The following GLIS3 variants were observed in gnomAD, a reference collection of about 807,000 sequenced individuals.
GLIS3 encodes the protein GLIS family zinc finger 3, also known as zinc finger protein GLIS3.
Under a neutral mutation model 78.6 loss-of-function variants are expected in GLIS3, and 53 were observed. That is an observed-to-expected ratio of 0.67 (90% confidence interval 0.54 to 0.85). The LOEUF is 0.85. GLIS3 is among the 40% of genes least tolerant of loss of function. The pLI is 0.00. For synonymous variants in GLIS3, 684 were observed against 509.9 expected (o/e 1.34, Z -4.60); for missense variants, 1,703 against 1,231.1 (o/e 1.38, Z -5.74).
At chr9:4,170,257 G>A (rs1381953422) in intron 2 of GLIS3, among the ~76,000 whole-genome samples, 2 of 152,172 alleles carry the variant, frequency 1.3e-5, no homozygotes, top group East Asian at 3.8e-4. Flanking sequence ...AATAAAATTA[G>A]AGAAAAATTT....
chr9:4,017,439 C>T (rs1246777617), intron 4 of GLIS3, among the ~76,000 whole-genome samples: 1 of 150,540 alleles, frequency 6.6e-6, no homozygotes, highest in Non-Finnish European at 1.5e-5. Context: ...AGCTTGCGTG[C>T]ACACACACAC....
the GLIS3 span, among the ~76,000 whole-genome samples, chr9:4,419,002 T>A: frequency 6.6e-6 from 1 of 152,198 alleles, no homozygotes; most frequent in Non-Finnish European, 1.5e-5. Context: ...CTGAATCTTT[T>A]GGAAATATGA....
At chr9:4,061,377 C>G (rs1474309001) in intron 4 of GLIS3, among the ~76,000 whole-genome samples, 1 of 152,012 alleles carries the variant, frequency 6.6e-6, no homozygotes, top group African/African-American at 2.4e-5. Flanking sequence ...CATCCATGTT[C>G]CTACAAAACA....
intron 4 of GLIS3, among the ~76,000 whole-genome samples, chr9:4,114,717 T>C (rs1432007025): frequency 6.6e-6 from 1 of 152,082 alleles, no homozygotes; most frequent in East Asian, 1.9e-4. Flanking sequence ...AGGCCTTTAC[T>C]TCTCAAGCCC....
chr9:4,389,723 A>G, the GLIS3 span, among the ~76,000 whole-genome samples: 1 of 152,222 alleles, frequency 6.6e-6, no homozygotes, highest in African/African-American at 2.4e-5. Context: ...AGACACACAG[A>G]CGGCACCGCA....
chr9:4,059,455 G>GT (rs1826438830), intron 4 of GLIS3, among the ~76,000 whole-genome samples: 1 of 152,180 alleles, frequency 6.6e-6, no homozygotes. Context: ...CTCCTGCCCT[G>GT]TTCTCAGCCT....
At chr9:4,018,750 G>T (rs569392659) in intron 4 of GLIS3, among the ~76,000 whole-genome samples, 86 of 152,284 alleles carry the variant, frequency 5.6e-4, no homozygotes, top group African/African-American at 2.0e-3. Context: ...CTTGGAAAAA[G>T]AAAGTTTCCC....
chr9:4,468,971 G>A, the GLIS3 span, among the ~76,000 whole-genome samples: 5 of 152,010 alleles, frequency 3.3e-5, no homozygotes, highest in African/African-American at 1.2e-4. Context: ...AGCAAAAAAC[G>A]CAGGATTTGC....
At chr9:4,368,534 C>T in the GLIS3 span, among the ~76,000 whole-genome samples, 2 of 152,056 alleles carry the variant, frequency 1.3e-5, no homozygotes, top group Admixed American at 1.3e-4. Flanking sequence ...TATATTTTTA[C>T]TAGAGACGGG....
chr9:4,277,581 CCAA>C (rs1429041997), intron 2 of GLIS3, among the ~76,000 whole-genome samples: 1 of 151,918 alleles, frequency 6.6e-6, no homozygotes, highest in African/African-American at 2.4e-5. Flanking sequence ...TTTTGTCTGA[CCAA>C]CAATAATGAA....
At chr9:4,024,234 TTAAA>T (rs1300485797) in intron 4 of GLIS3, among the ~76,000 whole-genome samples, 1 of 152,162 alleles carries the variant, frequency 6.6e-6, no homozygotes, top group African/African-American at 2.4e-5. Context: ...GTACAGTGAA[TTAAA>T]TAAACCTTCT....
chr9:4,327,413 G>A (rs1167845184), intron 2 of GLIS3, among the ~76,000 whole-genome samples: 1 of 152,168 alleles, frequency 6.6e-6, no homozygotes, highest in Non-Finnish European at 1.5e-5. Context: ...AGAGAAATGT[G>A]GGAGATCAGT....
chr9:4,138,494 G>C (rs1833572062), intron 2 of GLIS3, among the ~76,000 whole-genome samples: 1 of 152,200 alleles, frequency 6.6e-6, no homozygotes, highest in Admixed American at 6.5e-5. Flanking sequence ...TAGTAGAGGA[G>C]TGAGACTTCA....
intron 4 of GLIS3, among the ~76,000 whole-genome samples, chr9:4,016,040 G>A (rs572545168): frequency 6.6e-6 from 1 of 152,204 alleles, no homozygotes; most frequent in South Asian, 2.1e-4. Flanking sequence ...TTTGTGGAAG[G>A]CTATTAAGCG....
At chr9:4,115,681 C>T (rs1170954227) in intron 4 of GLIS3, among the ~76,000 whole-genome samples, 1 of 151,990 alleles carries the variant, frequency 6.6e-6, no homozygotes, top group African/African-American at 2.4e-5. Flanking sequence ...AGACACAATG[C>T]CCATAATATG....
At chr9:4,406,061 T>C in the GLIS3 span, among the ~76,000 whole-genome samples, 4 of 152,160 alleles carry the variant, frequency 2.6e-5, no homozygotes, top group African/African-American at 7.2e-5. Flanking sequence ...AGAAGGAACA[T>C]ACCTCAACAT....
At chr9:4,390,155 G>A in the GLIS3 span, among the ~76,000 whole-genome samples, 1 of 152,360 alleles carries the variant, frequency 6.6e-6, no homozygotes, top group South Asian at 2.1e-4. Context: ...CATGTTTGAA[G>A]ATCTCTGAAA....
At chr9:3,940,419 A>G (rs1815793558) in intron 4 of GLIS3, among the ~76,000 whole-genome samples, 1 of 152,174 alleles carries the variant, frequency 6.6e-6, no homozygotes, top group East Asian at 1.9e-4. Context: ...CTAAAGTTCA[A>G]GTCCATCCTG....
intron 2 of GLIS3, among the ~76,000 whole-genome samples, chr9:4,269,824 C>T (rs1166095069): frequency 6.6e-6 from 1 of 152,074 alleles, no homozygotes; most frequent in Non-Finnish European, 1.5e-5. Context: ...AGACGGAGGG[C>T]AGGACGGGAG....
Sources: allele counts gnomAD v4.1 joint callset (sites outside exome capture counted in the v4.1 genomes callset), GRCh38; gene constraint gnomAD v4.1.1; transcripts MANE v1.5; gene names NCBI Gene and HGNC (gene_info 2026-07-23, HGNC 2026-07-21).